GABRA4: variants seen among roughly 807,000 people sequenced by gnomAD.
GABRA4 encodes gamma-aminobutyric acid type A receptor subunit alpha4.
GABRA4 carries 12 observed loss-of-function variants against 49.7 expected under a neutral mutation model. The observed-to-expected ratio is 0.24, with a 90% CI of 0.15 to 0.39. The LOEUF (loss-of-function observed/expected upper bound fraction) is 0.39. Ranked by LOEUF, GABRA4 falls within the 10% of genes least tolerant of loss-of-function variation. The pLI is 1.00. For synonymous variants in GABRA4, 288 were observed against 240.2 expected (o/e 1.20, Z -1.84); for missense variants, 506 against 686.0 (o/e 0.74, Z 2.93).
rs117967441 is a variant in GABRA4, at chr4:46,983,825, A to G, written c.206-4727T>C. On this transcript the variant is annotated intron_variant, in intron 2 of 8. Coordinates refer to ENST00000264318, the MANE Select transcript of GABRA4 (RefSeq NM_000809.4). ...TTGATATGCATTTGTGCAACATTAA[A>G]GACATCTTTTATTTTAAAATTCTAC... Among the ~76,000 whole-genome samples, 154 of 152,222 alleles carry G rather than the reference A, an allele frequency of 1.0e-3. 1 individual carries two copies. In the East Asian group the frequency reaches 0.012, roughly 12 times the overall value.
chr4:46,972,949 A>G (rs1723002037), intron 6 of GABRA4, among the ~76,000 whole-genome samples: 1 of 151,772 alleles, frequency 6.6e-6, no homozygotes, highest in South Asian at 2.1e-4. Flanking sequence ...CAGTCTTAGC[A>G]TTTTATCTCG....
intron 8 of GABRA4, among the ~76,000 whole-genome samples, chr4:46,958,163 C>T (rs187194384): frequency 2.6e-5 from 4 of 151,840 alleles, no homozygotes; most frequent in African/African-American, 4.8e-5. Context: ...AAATTAATTT[C>T]GATATTAGGT....
intron 8 of GABRA4, among the ~76,000 whole-genome samples, chr4:46,956,563 T>C (rs980638196): frequency 9.2e-5 from 14 of 152,040 alleles, no homozygotes; most frequent in South Asian, 2.1e-4. Context: ...TGCTTTTTTT[T>C]CCCCCAAAGT....
chr4:46,988,849 A>G (rs1331208128), intron 2 of GABRA4, among the ~76,000 whole-genome samples: 1 of 152,192 alleles, frequency 6.6e-6, no homozygotes, highest in Non-Finnish European at 1.5e-5. Flanking sequence ...CTAAGGTTTT[A>G]AAGATGAGGG....
rs1577737420 is a variant in GABRA4 at position 46,926,200 on chromosome 4, G to A, written c.*2025C>T. 6.6e-6 allele frequency: 1 copy of A among 151,844 alleles called. No homozygotes were observed. Among genetic ancestry groups the A allele is most frequent in the Admixed American group, 6.6e-5 (1 of 15,204 alleles). 9.4% of individuals were successfully genotyped at this position (151,844 alleles called of 1,614,324 possible). A position where few individuals can be genotyped will look rare whatever the true frequency, so the allele number is the denominator to read the frequency against. ...GAATAACTAGTAGCGAATGAATTGT[G>A]CTTCCAACCATATTTCCAAACATCG... On this transcript the variant is annotated 3_prime_UTR_variant, in exon 9 of 9. Transcript: ENST00000264318.
At chr4:46,984,183 T>C (rs1424746461) in intron 2 of GABRA4, among the ~76,000 whole-genome samples, 1 of 152,026 alleles carries the variant, frequency 6.6e-6, no homozygotes, top group African/African-American at 2.4e-5. Flanking sequence ...TTGAAACTAG[T>C]CCATCCTCAT....
intron 8 of GABRA4, among the ~76,000 whole-genome samples, chr4:46,964,546 A>T (rs28575524): frequency 6.6e-6 from 1 of 151,816 alleles, no homozygotes; most frequent in East Asian, 1.9e-4. Context: ...TGCATCTATT[A>T]TGTAGTCACA....
intron 2 of GABRA4, among the ~76,000 whole-genome samples, chr4:46,980,391 G>T (rs1173886427): frequency 7.3e-6 from 1 of 136,930 alleles, no homozygotes. Flanking sequence ...AAAAAAAAAG[G>T]CAGAGAGAAA....
intron 2 of GABRA4, among the ~76,000 whole-genome samples, chr4:46,982,971 C>T (rs1723409459): frequency 6.6e-6 from 1 of 151,976 alleles, no homozygotes; most frequent in Non-Finnish European, 1.5e-5. Flanking sequence ...ACAATAATTA[C>T]TATTTATTGA....
intron 8 of GABRA4, among the ~76,000 whole-genome samples, chr4:46,958,524 G>C (rs926018883): frequency 6.6e-6 from 1 of 151,788 alleles, no homozygotes; most frequent in African/African-American, 2.4e-5. Context: ...ATCCATGAGA[G>C]AGTAGGTACT....
At chr4:46,960,658 T>C (rs1425917755) in intron 8 of GABRA4, among the ~76,000 whole-genome samples, 4 of 151,594 alleles carry the variant, frequency 2.6e-5, no homozygotes, top group Non-Finnish European at 4.4e-5. Flanking sequence ...AACATAATTA[T>C]AGAATATTTA....
chr4:46,949,138 T>A (rs1722078526), intron 8 of GABRA4, among the ~76,000 whole-genome samples: 2 of 152,116 alleles, frequency 1.3e-5, no homozygotes, highest in Non-Finnish European at 2.9e-5. Flanking sequence ...AGTGCTATGA[T>A]TTCTAAAACT....
At chr4:46,970,826 T>C (rs765611138) in intron 7 of GABRA4, among the ~76,000 whole-genome samples, 2 of 151,558 alleles carry the variant, frequency 1.3e-5, no homozygotes, top group Non-Finnish European at 3.0e-5. Context: ...TGAGATTATG[T>C]CCAGATTCAC....
At chr4:46,982,810 C>G (rs766301463) in intron 2 of GABRA4, among the ~76,000 whole-genome samples, 3 of 151,978 alleles carry the variant, frequency 2.0e-5, no homozygotes, top group Non-Finnish European at 2.9e-5. Flanking sequence ...AGAAGAAGGG[C>G]TCTTCTAAGA....
intron 8 of GABRA4, among the ~76,000 whole-genome samples, chr4:46,933,133 A>C (rs776297023): frequency 1.3e-5 from 2 of 152,146 alleles, no homozygotes; most frequent in Non-Finnish European, 2.9e-5. Context: ...TACTGTCTGA[A>C]AACAAAGATC....
chr4:46,987,477 C>T (rs563083959), intron 2 of GABRA4, among the ~76,000 whole-genome samples: 58 of 152,170 alleles, frequency 3.8e-4, no homozygotes, highest in Non-Finnish European at 5.4e-4. Context: ...CTATCTCTTC[C>T]ACAGTGTGAA....
At chr4:46,984,794 A>G (rs1475146584) in intron 2 of GABRA4, among the ~76,000 whole-genome samples, 1 of 152,048 alleles carries the variant, frequency 6.6e-6, no homozygotes, top group Non-Finnish European at 1.5e-5. Flanking sequence ...TGTGTTAAAG[A>G]GGGTATCTGG....
intron 8 of GABRA4, among the ~76,000 whole-genome samples, chr4:46,945,117 C>T (rs1246806267): frequency 6.6e-6 from 1 of 152,174 alleles, no homozygotes; most frequent in Non-Finnish European, 1.5e-5. Flanking sequence ...TTTAAATCCA[C>T]TTGAAAACCA....
At chr4:46,990,604 T>C (rs1387407386) in intron 2 of GABRA4, among the ~76,000 whole-genome samples, 3 of 152,222 alleles carry the variant, frequency 2.0e-5, no homozygotes, top group Non-Finnish European at 4.4e-5. Flanking sequence ...CTGGATACTT[T>C]TCTTATTTTT....
Sources: allele counts gnomAD v4.1 joint callset (sites outside exome capture counted in the v4.1 genomes callset), GRCh38; gene constraint gnomAD v4.1.1; transcripts MANE v1.5; gene names NCBI Gene and HGNC (gene_info 2026-07-23, HGNC 2026-07-21).